PTPRM: variants seen among roughly 807,000 people sequenced by gnomAD.
The protein encoded by PTPRM is protein tyrosine phosphatase receptor type M.
In PTPRM, 47 loss-of-function variants were observed where a neutral mutation model predicts 186.7. That is an observed-to-expected ratio of 0.25 (90% CI 0.20 to 0.32). PTPRM has a LOEUF of 0.32. PTPRM is among the 10% of genes least tolerant of loss of function. The pLI is 1.00. For synonymous variants in PTPRM, 668 were observed against 674.9 expected (o/e 0.99, Z 0.16); for missense variants, 1,494 against 1,865.0 (o/e 0.80, Z 3.66).
chr18:8,239,462 G>A (rs1252803968), intron 14 of PTPRM, among the ~76,000 whole-genome samples: 2 of 152,018 alleles, frequency 1.3e-5, no homozygotes, highest in African/African-American at 2.4e-5. Context: ...GGTTCCTGGA[G>A]GTAAAACTCA....
intron 14 of PTPRM, among the ~76,000 whole-genome samples, chr18:8,201,278 T>A (rs2093852042): frequency 6.6e-6 from 1 of 152,236 alleles, no homozygotes; most frequent in South Asian, 2.1e-4. Flanking sequence ...ATCGTGCCAC[T>A]GCACCCCAGC....
intron 3 of PTPRM, among the ~76,000 whole-genome samples, chr18:7,895,797 T>C (rs537107208): frequency 2.6e-5 from 4 of 152,252 alleles, no homozygotes; most frequent in Non-Finnish European, 5.9e-5. Flanking sequence ...TGTGTACTTT[T>C]GATAACCATA....
chr18:7,805,713 T>C (rs1312630570), intron 2 of PTPRM, among the ~76,000 whole-genome samples: 1 of 152,182 alleles, frequency 6.6e-6, no homozygotes. Context: ...ACGAAGTGTA[T>C]ACAGAACTGA....
intron 2 of PTPRM, among the ~76,000 whole-genome samples, chr18:7,825,685 T>C (rs1414072899): frequency 6.6e-6 from 1 of 152,072 alleles, no homozygotes; most frequent in Non-Finnish European, 1.5e-5. Flanking sequence ...GAGGCTCCCA[T>C]CCCCTAGAAG....
intron 2 of PTPRM, among the ~76,000 whole-genome samples, chr18:7,796,984 C>CA (rs1190624308): frequency 6.6e-6 from 1 of 152,196 alleles, no homozygotes; most frequent in Non-Finnish European, 1.5e-5. Flanking sequence ...GACACGTATG[C>CA]AGTGGCTGCA....
At chr18:8,317,665 A>G (rs2095318833) in intron 21 of PTPRM, among the ~76,000 whole-genome samples, 1 of 152,164 alleles carries the variant, frequency 6.6e-6, no homozygotes, top group Non-Finnish European at 1.5e-5. Context: ...AGGTAGGAAG[A>G]AAACCAGGAG....
intron 23 of PTPRM, among the ~76,000 whole-genome samples, chr18:8,368,778 T>A (rs2095647470): frequency 6.6e-6 from 1 of 152,242 alleles, no homozygotes; most frequent in Non-Finnish European, 1.5e-5. Flanking sequence ...ACTGATCCTA[T>A]GACTCTGCAT....
chr18:8,311,830 A>T (rs1434120997), intron 20 of PTPRM, among the ~76,000 whole-genome samples: 1 of 152,174 alleles, frequency 6.6e-6, no homozygotes, highest in East Asian at 1.9e-4. Context: ...ATAGGAATTC[A>T]GTCCTGGTGG....
intron 2 of PTPRM, among the ~76,000 whole-genome samples, chr18:7,842,835 T>TAG (rs1340423184): frequency 5.1e-5 from 4 of 78,834 alleles, no homozygotes; most frequent in African/African-American, 2.7e-4. Flanking sequence ...TATGTATATA[T>TAG]ATATATAGAG....
At chr18:8,310,283 C>G (rs12457418) in intron 20 of PTPRM, among the ~76,000 whole-genome samples, 2,144 of 151,912 alleles carry the variant, frequency 0.014, 60 homozygotes, top group African/African-American at 0.049. Flanking sequence ...TCTCCCCACT[C>G]CCACAGCCCT....
At chr18:8,128,930 A>AGAG (rs2092437808) in intron 13 of PTPRM, among the ~76,000 whole-genome samples, 1 of 152,144 alleles carries the variant, frequency 6.6e-6, no homozygotes, top group African/African-American at 2.4e-5. Context: ...AATATTTTAT[A>AGAG]CTGTCTTTTG....
At chr18:8,173,154 G>C (rs2093429946) in intron 14 of PTPRM, among the ~76,000 whole-genome samples, 1 of 152,124 alleles carries the variant, frequency 6.6e-6, no homozygotes, top group Admixed American at 6.6e-5. Context: ...CATGTACCTA[G>C]ACAATTTTAG....
At chr18:8,074,051 T>C (rs956257804) in intron 8 of PTPRM, among the ~76,000 whole-genome samples, 2 of 151,994 alleles carry the variant, frequency 1.3e-5, no homozygotes, top group Non-Finnish European at 2.9e-5. Flanking sequence ...TGAATCAGCA[T>C]TTTTTTTGTG....
intron 1 of PTPRM, among the ~76,000 whole-genome samples, chr18:7,681,163 G>T (rs2039471483): frequency 6.6e-6 from 1 of 151,920 alleles, no homozygotes; most frequent in African/African-American, 2.4e-5. Flanking sequence ...TTGTGATGTA[G>T]TTCATATTTT....
chr18:8,181,113 C>T (rs1159338279), intron 14 of PTPRM, among the ~76,000 whole-genome samples: 1 of 152,162 alleles, frequency 6.6e-6, no homozygotes, highest in Non-Finnish European at 1.5e-5. Context: ...AACTACATGT[C>T]CGACACTGTT....
At chr18:8,089,021 G>A (rs1444346343) in intron 11 of PTPRM, among the ~76,000 whole-genome samples, 170 bp downstream of exon 11, 1 of 152,194 alleles carries the variant, frequency 6.6e-6, no homozygotes, top group Non-Finnish European at 1.5e-5. Context: ...AAAGGGCTTT[G>A]ATGTAAGGTG....
At chr18:8,083,683 G>A (rs1244619304) in intron 9 of PTPRM, among the ~76,000 whole-genome samples, 1 of 152,090 alleles carries the variant, frequency 6.6e-6, no homozygotes, top group Admixed American at 6.6e-5. Context: ...TTACCTGCTG[G>A]CCATGGTGCT....
At chr18:7,905,095 G>A (rs1313296449) in intron 3 of PTPRM, among the ~76,000 whole-genome samples, 3 of 152,068 alleles carry the variant, frequency 2.0e-5, no homozygotes, top group Non-Finnish European at 2.9e-5. Context: ...CCAGATTCAA[G>A]CGATTCTCCT....
chr18:8,088,805 G>T lies in PTPRM; in HGVS notation c.1810G>T (p.Val604Leu), dbSNP rs142688706. ...ETPLNQTDNTVTVMLKPAHSR... is the reference protein window; with the variant it reads ...ETPLNQTDNTLTVMLKPAHSR... ...ACCTTTGAATCAAACTGACAATACC[G>T]TGACAGTCATGCTGAAACCTGCCCA... Residue 604 changes from valine to leucine, a missense_variant, in exon 11 of 33, where the codon GTG (valine) becomes TTG (leucine). Coordinates refer to ENST00000580170, the MANE Select transcript of PTPRM (RefSeq NM_001105244.2). 1 of 1,612,930 alleles carries T rather than the reference G, an allele frequency of 6.2e-7. No homozygotes were observed. The highest frequency in any genetic ancestry group is 8.5e-7 in the Non-Finnish European group (1 of 1,179,316).
Sources: gnomAD v4.1 joint callset for allele counts (sites outside exome capture counted in the v4.1 genomes callset) on GRCh38, gnomAD v4.1.1 for gene constraint, MANE v1.5 for transcripts, NCBI Gene and HGNC (gene_info 2026-07-23, HGNC 2026-07-21) for gene names.